Variants in NEDD4L observed in about 807,000 individuals in gnomAD.
NEDD4L encodes the protein E3 ubiquitin-protein ligase NEDD4-like.
Under a neutral mutation model 148.9 loss-of-function variants are expected in NEDD4L, and 54 were observed. That is an observed-to-expected ratio of 0.36 (90% CI 0.29 to 0.45). The LOEUF is 0.45. Ranked by LOEUF, NEDD4L falls within the 20% of genes least tolerant of loss-of-function variation. The pLI is 1.00. For synonymous variants in NEDD4L, 433 were observed against 440.7 expected, an observed-to-expected ratio of 0.98 and a Z score of 0.22; for missense variants, 856 against 1,233.8, an observed-to-expected ratio of 0.69 and a Z score of 4.59.
At position 58,061,868 on chromosome 18, in the gene NEDD4L, A is replaced by G. The variant is rs112382137; in HGVS notation, c.48+17160A>G. Among the ~76,000 whole-genome samples the G allele has an allele frequency of 4.6e-5, 7 of 152,294 alleles. 1 individual carries two copies. The highest frequency in any genetic ancestry group is 1.7e-4 in the African/African-American group (7 of 41,552). On this transcript the variant is annotated intron_variant, in intron 1 of 30. Coordinates refer to ENST00000400345, the MANE Select transcript of NEDD4L (RefSeq NM_001144967.3). ...TAGTTTGTTTTAGTTGAGAATGATT[A>G]GAGGGCTAGAATGATATATAGCTCT...
intron 5 of NEDD4L, among the ~76,000 whole-genome samples, chr18:58,276,964 T>A (rs1457357898): frequency 1.3e-5 from 2 of 152,128 alleles, no homozygotes; most frequent in African/African-American, 4.8e-5. Flanking sequence ...CATTTCTGTG[T>A]GGAGAGACTT....
chr18:58,280,087 T>A (rs2052777083), intron 5 of NEDD4L, among the ~76,000 whole-genome samples: 1 of 152,152 alleles, frequency 6.6e-6, no homozygotes, highest in African/African-American at 2.4e-5. Flanking sequence ...ATTTATTTTG[T>A]TTTTGAGATG....
chr18:58,208,064 A>G (rs1398956546), intron 2 of NEDD4L, among the ~76,000 whole-genome samples: 1 of 152,108 alleles, frequency 6.6e-6, no homozygotes, highest in East Asian at 1.9e-4. Flanking sequence ...CAACAACAAC[A>G]AAGAGCAGAG....
At chr18:58,279,828 A>G (rs2052727091) in intron 5 of NEDD4L, among the ~76,000 whole-genome samples, 1 of 152,222 alleles carries the variant, frequency 6.6e-6, no homozygotes, top group Non-Finnish European at 1.5e-5. Context: ...TCCATTCTGA[A>G]TGTACATTAG....
chr18:58,125,456 C>T (rs936224952), intron 1 of NEDD4L, among the ~76,000 whole-genome samples: 1 of 152,068 alleles, frequency 6.6e-6, no homozygotes, highest in Non-Finnish European at 1.5e-5. Flanking sequence ...CTTTGTTCAC[C>T]TCCAGTCTTT....
chr18:58,179,249 A>T (rs539733538), intron 2 of NEDD4L, among the ~76,000 whole-genome samples: 1 of 152,140 alleles, frequency 6.6e-6, no homozygotes, highest in Non-Finnish European at 1.5e-5. Context: ...TCTTGAAGTG[A>T]GACTTCACCC....
intron 24 of NEDD4L, among the ~76,000 whole-genome samples, chr18:58,377,633 G>A (rs546791488): frequency 6.6e-6 from 1 of 152,262 alleles, no homozygotes; most frequent in South Asian, 2.1e-4. Context: ...ATTCACTGCT[G>A]TGCACACATA....
chr18:58,182,932 C>T (rs482446), intron 2 of NEDD4L, among the ~76,000 whole-genome samples: 122,975 of 152,224 alleles, frequency 0.81, 50,296 homozygotes, highest in East Asian at 1. Context: ...TACTCCCTCT[C>T]CTCCCTCACT....
chr18:58,371,303 T>C (rs2046846865), intron 23 of NEDD4L, among the ~76,000 whole-genome samples: 1 of 149,798 alleles, frequency 6.7e-6, no homozygotes, highest in Non-Finnish European at 1.5e-5. Context: ...TCCTCTTGCC[T>C]CATCCTCCCA....
intron 1 of NEDD4L, among the ~76,000 whole-genome samples, chr18:58,058,750 G>A (rs572777893): frequency 6.6e-6 from 1 of 152,268 alleles, no homozygotes; most frequent in Non-Finnish European, 1.5e-5. Context: ...GTTCAAAGCT[G>A]GGCACTCTGT....
chr18:58,333,798 G>C lies in NEDD4L; in HGVS notation c.991-20G>C, dbSNP rs751156807. The C allele has an allele frequency of 6.3e-7, 1 of 1,598,828 alleles. No homozygotes were observed. The highest frequency in any genetic ancestry group is 1.1e-5 in the South Asian group (1 of 90,706). ...AAGAATATATTTCTTGATGCTTCCT[G>C]TCTTTTCCTCTCCTTCCAGCAAAGA... On this transcript the variant is annotated intron_variant, in intron 11 of 30. Transcript: ENST00000400345.
At chr18:58,395,011 C>G (rs985379124) in intron 30 of NEDD4L, among the ~76,000 whole-genome samples, 9 of 152,182 alleles carry the variant, frequency 5.9e-5, no homozygotes, top group African/African-American at 2.2e-4. Flanking sequence ...CCCGTGTGAC[C>G]TTGGGCAAGT....
At chr18:58,290,511 G>A (rs1600762051) in intron 5 of NEDD4L, among the ~76,000 whole-genome samples, 1 of 152,102 alleles carries the variant, frequency 6.6e-6, no homozygotes, top group Admixed American at 6.5e-5. Context: ...ACAGTGGCTA[G>A]GCTCACAAGT....
At chr18:58,070,859 A>G (rs1369665234) in intron 1 of NEDD4L, among the ~76,000 whole-genome samples, 1 of 152,126 alleles carries the variant, frequency 6.6e-6, no homozygotes, top group Non-Finnish European at 1.5e-5. Context: ...AAACAAACAG[A>G]CTTTATAGAA....
At chr18:58,295,988 T>C (rs777217920) in intron 5 of NEDD4L, among the ~76,000 whole-genome samples, 3 of 152,202 alleles carry the variant, frequency 2.0e-5, no homozygotes, top group African/African-American at 2.4e-5. Context: ...GCAAGAAAGC[T>C]ACTCCTGGTC....
intron 2 of NEDD4L, among the ~76,000 whole-genome samples, chr18:58,239,736 G>A (rs2046416785): frequency 6.6e-6 from 1 of 152,214 alleles, no homozygotes; most frequent in Non-Finnish European, 1.5e-5. Context: ...AACTCTCCCT[G>A]ACAGATGACC....
chr18:58,151,623 A>ATGTGTG lies in NEDD4L; in HGVS notation c.49-14164_49-14163insGTGTGT, dbSNP rs1491376739. Among the ~76,000 whole-genome samples, 534 of 56,642 alleles carry ATGTGTG rather than the reference A, an allele frequency of 9.4e-3. 1 individual carries two copies. The highest frequency in any genetic ancestry group is 0.034 in the African/African-American group (509 of 15,188). The allele number at this position is 56,642 out of a possible 152,430, so 37.2% of individuals were successfully genotyped here. A position where few individuals can be genotyped will look rare whatever the true frequency, so the allele number is the denominator to read the frequency against. ...GTGAAGATGAGGTAGCTGTGCCTGG[A>ATGTGTG]TATGTGTGTGTGTGTGTGTGTGTGT... On this transcript the variant is annotated intron_variant, in intron 1 of 30. Coordinates refer to ENST00000400345, the MANE Select transcript of NEDD4L (RefSeq NM_001144967.3).
At chr18:58,060,532 G>A (rs778176706) in intron 1 of NEDD4L, among the ~76,000 whole-genome samples, 2 of 152,162 alleles carry the variant, frequency 1.3e-5, no homozygotes, top group Non-Finnish European at 2.9e-5. Context: ...AAATGAGCCA[G>A]GGGATAAGGC....
intron 6 of NEDD4L, among the ~76,000 whole-genome samples, chr18:58,316,823 CG>C: frequency 6.6e-6 from 1 of 152,308 alleles, no homozygotes; most frequent in East Asian, 1.9e-4. Flanking sequence ...GGCAGCACAA[CG>C]ACGTGATAGA....
Sources: allele counts gnomAD v4.1 joint callset (sites outside exome capture counted in the v4.1 genomes callset), GRCh38; gene constraint gnomAD v4.1.1; transcripts MANE v1.5; gene names NCBI Gene and HGNC (gene_info 2026-07-23, HGNC 2026-07-21).